PTPRO: variants seen among roughly 807,000 people sequenced by gnomAD.
The protein encoded by PTPRO is receptor-type tyrosine-protein phosphatase O.
A neutral mutation model predicts 145.2 loss-of-function variants in PTPRO; 62 were observed. That is an observed-to-expected ratio of 0.43 (90% CI 0.35 to 0.53). PTPRO has a LOEUF of 0.53. Ranked by LOEUF, PTPRO falls within the 20% of genes least tolerant of loss-of-function variation. The pLI is 0.01. For synonymous variants in PTPRO, 565 were observed against 514.7 expected (o/e 1.10, Z -1.32); for missense variants, 1,345 against 1,482.7 (o/e 0.91, Z 1.53).
At chr12:15,449,934 C>T (rs2136376411) in intron 1 of PTPRO, among the ~76,000 whole-genome samples, 1 of 152,324 alleles carries the variant, frequency 6.6e-6, no homozygotes, top group African/African-American at 2.4e-5. Flanking sequence ...TAAGTTACCT[C>T]CAAGGCTCCT....
chr12:15,553,132 G>A (rs977774803), intron 15 of PTPRO, among the ~76,000 whole-genome samples: 2 of 152,076 alleles, frequency 1.3e-5, no homozygotes, highest in Middle Eastern at 3.4e-3. Context: ...TCCAACTTGC[G>A]TGAATTTGTG....
At chr12:15,378,007 G>A (rs1215181941) in intron 1 of PTPRO, among the ~76,000 whole-genome samples, 1 of 152,014 alleles carries the variant, frequency 6.6e-6, no homozygotes, top group Non-Finnish European at 1.5e-5. Context: ...TGCTTAGAGA[G>A]AAATTTACAT....
chr12:15,364,502 A>G (rs1434827179), intron 1 of PTPRO, among the ~76,000 whole-genome samples: 2 of 152,192 alleles, frequency 1.3e-5, no homozygotes, highest in African/African-American at 2.4e-5. Flanking sequence ...GCTTTATTGT[A>G]ATTGCAGAGT....
chr12:15,413,236 G>A (rs958931493), intron 1 of PTPRO, among the ~76,000 whole-genome samples: 1 of 151,822 alleles, frequency 6.6e-6, no homozygotes, highest in African/African-American at 2.4e-5. Flanking sequence ...GACTACAGGC[G>A]CCTGCCACCA....
At position 15,589,379 on chromosome 12, in the gene PTPRO, G is replaced by A. The variant is rs77858216; in HGVS notation, c.3411-76G>A. ...CAACAGAGCAAGACTCCATCTCAAA[G>A]AAAAAAAAAAAAAGAGGGGGGAGAA... On this transcript the variant is annotated intron_variant, in intron 24 of 26. Transcript: ENST00000281171. 9.0e-5 allele frequency: 114 copies of A among 1,266,374 alleles called. No individual in the cohort carries two copies. The highest frequency in any genetic ancestry group is 2.2e-4 in the African/African-American group (15 of 68,404). 78.4% of individuals were successfully genotyped at this position (1,266,374 alleles called of 1,614,324 possible). A position where few individuals can be genotyped will look rare whatever the true frequency, so the allele number is the denominator to read the frequency against.
intron 1 of PTPRO, among the ~76,000 whole-genome samples, chr12:15,345,938 C>A (rs1867194995): frequency 6.6e-6 from 1 of 152,112 alleles, no homozygotes; most frequent in Admixed American, 6.5e-5. Context: ...CCCTACTTTT[C>A]CCCTCTGAGC....
chr12:15,397,809 T>G (rs758532790), intron 1 of PTPRO, among the ~76,000 whole-genome samples: 11 of 152,200 alleles, frequency 7.2e-5, no homozygotes, highest in Non-Finnish European at 1.5e-4. Flanking sequence ...TAAATAAGTC[T>G]CTGAATACTC....
At chr12:15,530,249 A>G (rs1025783244) in intron 12 of PTPRO, among the ~76,000 whole-genome samples, 6 of 152,240 alleles carry the variant, frequency 3.9e-5, no homozygotes, top group African/African-American at 1.4e-4. Flanking sequence ...ATAGATCTAA[A>G]GGAACAGATA....
chr12:15,433,474 T>A (rs1029476357), intron 1 of PTPRO, among the ~76,000 whole-genome samples: 1 of 152,222 alleles, frequency 6.6e-6, no homozygotes, highest in Non-Finnish European at 1.5e-5. Flanking sequence ...ACAGCCACCA[T>A]GCCCAGCCAG....
intron 9 of PTPRO, among the ~76,000 whole-genome samples, chr12:15,517,244 A>G (rs1229210818): frequency 1.3e-5 from 2 of 152,186 alleles, no homozygotes; most frequent in African/African-American, 4.8e-5. Flanking sequence ...GCAAGCAAAG[A>G]GAGCTTGTGT....
intron 19 of PTPRO, among the ~76,000 whole-genome samples, chr12:15,571,162 TTC>T (rs1944037354): frequency 6.6e-6 from 1 of 152,224 alleles, no homozygotes; most frequent in Admixed American, 6.5e-5. Flanking sequence ...TCATTTCTGC[TTC>T]TCTCTCTGTT....
intron 1 of PTPRO, chr12:15,410,862 A>C (rs1233703501): frequency 6.6e-6 from 1 of 152,236 alleles, no homozygotes; most frequent in Non-Finnish European, 1.5e-5. Context: ...TTGAAACAAT[A>C]ATAGTTTAAA....
At chr12:15,534,939 G>T (rs564784433) in intron 12 of PTPRO, among the ~76,000 whole-genome samples, 8 of 152,274 alleles carry the variant, frequency 5.3e-5, no homozygotes, top group African/African-American at 1.9e-4. Flanking sequence ...GACTACGGTG[G>T]TTGTAATGGA....
intron 26 of PTPRO, 172 bp downstream of exon 26, chr12:15,595,229 T>C (rs1437005443): frequency 5.0e-6 from 3 of 605,118 alleles, no homozygotes; most frequent in Non-Finnish European, 9.0e-6. Context: ...ACAAGTACTG[T>C]AGCAGATCTT....
chr12:15,347,390 T>G (rs193287992), intron 1 of PTPRO, among the ~76,000 whole-genome samples: 4 of 152,340 alleles, frequency 2.6e-5, no homozygotes, highest in Admixed American at 1.3e-4. Context: ...TATATTTATA[T>G]TCCCAACCAG....
chr12:15,469,259 G>T (rs1941484064), intron 1 of PTPRO, among the ~76,000 whole-genome samples: 1 of 152,140 alleles, frequency 6.6e-6, no homozygotes, highest in Non-Finnish European at 1.5e-5. Flanking sequence ...CTAAATACCA[G>T]TAAGCATGGA....
intron 1 of PTPRO, among the ~76,000 whole-genome samples, chr12:15,408,997 A>G (rs1420567686): frequency 6.6e-6 from 1 of 152,154 alleles, no homozygotes; most frequent in African/African-American, 2.4e-5. Flanking sequence ...TGCTCAATAA[A>G]AGTTGAGAAT....
intron 1 of PTPRO, among the ~76,000 whole-genome samples, chr12:15,356,643 T>C (rs879282944): frequency 2.0e-5 from 3 of 152,166 alleles, no homozygotes; most frequent in Non-Finnish European, 4.4e-5. Context: ...TAGCAGAATG[T>C]TCATTGGGCT....
intron 12 of PTPRO, among the ~76,000 whole-genome samples, chr12:15,544,931 A>T (rs1943251843): frequency 6.6e-6 from 1 of 152,138 alleles, no homozygotes; most frequent in South Asian, 2.1e-4. Context: ...CCTAAGAAGA[A>T]CTCATCTCTT....
Sources: allele counts gnomAD v4.1 joint callset (sites outside exome capture counted in the v4.1 genomes callset), GRCh38; gene constraint gnomAD v4.1.1; transcripts MANE v1.5; gene names NCBI Gene and HGNC (gene_info 2026-07-23, HGNC 2026-07-21).